Variants in LRFN2 observed in about 807,000 individuals in gnomAD.
The protein encoded by LRFN2 is leucine rich repeat and fibronectin type III domain containing 2.
Under a neutral mutation model 37.3 loss-of-function variants are expected in LRFN2, and 18 were observed. That is an observed-to-expected ratio of 0.48 (90% CI 0.33 to 0.72). LRFN2 has a LOEUF of 0.72. Among genes scored for constraint, LRFN2 ranks in the 30% least tolerant of loss-of-function variants. The pLI, the probability that LRFN2 is intolerant of heterozygous loss-of-function variation, is 0.02. For missense variants in LRFN2, 1,006 were observed against 1,060.7 expected (o/e 0.95, Z 0.72); for synonymous variants, 556 against 466.6 (o/e 1.19, Z -2.47).
At chr6:40,543,741 C>A (rs1376539442) in intron 1 of LRFN2, among the ~76,000 whole-genome samples, 1 of 152,222 alleles carries the variant, frequency 6.6e-6, no homozygotes, top group African/African-American at 2.4e-5. Context: ...TCTTTTGTAT[C>A]AGCAAAAAGC....
intron 1 of LRFN2, among the ~76,000 whole-genome samples, chr6:40,583,594 G>A (rs922946494): frequency 3.3e-5 from 5 of 152,136 alleles, no homozygotes; most frequent in African/African-American, 4.8e-5. Flanking sequence ...AGTGCTAAAG[G>A]GCTTGTCCAG....
chr6:40,504,952 G>A (rs1765493207), intron 1 of LRFN2, among the ~76,000 whole-genome samples: 1 of 152,182 alleles, frequency 6.6e-6, no homozygotes, highest in Non-Finnish European at 1.5e-5. Flanking sequence ...TGCTGGATGG[G>A]CAAACCCCTC....
chr6:40,502,782 A>G (rs1765420336), intron 1 of LRFN2, among the ~76,000 whole-genome samples: 2 of 152,258 alleles, frequency 1.3e-5, no homozygotes, highest in Admixed American at 1.3e-4. Context: ...AGTGGGGCCC[A>G]GACAGACATG....
rs554109501 is a variant in LRFN2 at position 40,568,476 on chromosome 6, A to T, written c.-19+18465T>A. ...GCCCACATGGGTGAGGGGCAAAAAA[A>T]AGTTATGTATGTGGGTGGCTTACAG... On this transcript the variant is annotated intron_variant, in intron 1 of 2. Transcript: ENST00000338305. 2.4e-3 allele frequency among the ~76,000 whole-genome samples: 373 copies of T among 152,326 alleles called. 1 individual carries two copies. Among genetic ancestry groups the T allele is most frequent in the Non-Finnish European group, 4.4e-3 (297 of 68,024 alleles).
rs117286689 is a variant in LRFN2, at chr6:40,585,703, A to T, written c.-19+1238T>A. On this transcript the variant is annotated intron_variant, in intron 1 of 2. Coordinates refer to ENST00000338305, the MANE Select transcript of LRFN2 (RefSeq NM_020737.3). Reference sequence around the variant, plus strand: ...GGAACTTCACAGCCCAGGGAATGGCAGTTTCCTCCCTAGCTTTGCTCCTCC... The same window carrying T: ...GGAACTTCACAGCCCAGGGAATGGCTGTTTCCTCCCTAGCTTTGCTCCTCC... 1.6e-4 allele frequency among the ~76,000 whole-genome samples: 25 copies of T among 152,210 alleles called. No homozygotes were observed. In the East Asian group the frequency reaches 4.5e-3, roughly 27 times the overall value.
intron 1 of LRFN2, among the ~76,000 whole-genome samples, chr6:40,535,637 C>A (rs984805614): frequency 1.3e-5 from 2 of 152,160 alleles, no homozygotes; most frequent in African/African-American, 4.8e-5. Flanking sequence ...CCTCCTCCTG[C>A]CCTCCAGCTG....
chr6:40,503,044 C>T (rs1581756199), intron 1 of LRFN2, among the ~76,000 whole-genome samples: 1 of 152,102 alleles, frequency 6.6e-6, no homozygotes. Flanking sequence ...ATTCTGGGGA[C>T]TGGGAGGCCA....
chr6:40,532,666 A>G (rs569672299), intron 1 of LRFN2, among the ~76,000 whole-genome samples: 17 of 152,306 alleles, frequency 1.1e-4, no homozygotes, highest in African/African-American at 1.7e-4. Context: ...GCAGTTCCGG[A>G]TTTCCCAGTC....
At chr6:40,430,141 G>A (rs1308187645) in intron 2 of LRFN2, among the ~76,000 whole-genome samples, 1 of 152,118 alleles carries the variant, frequency 6.6e-6, no homozygotes, top group Non-Finnish European at 1.5e-5. Flanking sequence ...GTGCACATAT[G>A]CATGTGGGTA....
chr6:40,444,939 A>G (rs972553982), intron 1 of LRFN2, among the ~76,000 whole-genome samples: 4 of 148,966 alleles, frequency 2.7e-5, no homozygotes, highest in African/African-American at 7.4e-5. Flanking sequence ...CTCCCTGTTG[A>G]CTTTGTTTGC....
intron 2 of LRFN2, among the ~76,000 whole-genome samples, chr6:40,416,307 C>T (rs1405016724): frequency 2.0e-5 from 3 of 152,190 alleles, no homozygotes; most frequent in Admixed American, 1.3e-4. Context: ...CCATGTCCGG[C>T]CAATGAGGTG....
chr6:40,424,426 G>C (rs1418026253), intron 2 of LRFN2, among the ~76,000 whole-genome samples: 2 of 152,202 alleles, frequency 1.3e-5, no homozygotes, highest in African/African-American at 4.8e-5. Flanking sequence ...ACAGTGGAAA[G>C]GGCTGGATGT....
At chr6:40,451,042 T>C (rs1409284837) in intron 1 of LRFN2, among the ~76,000 whole-genome samples, 1 of 152,166 alleles carries the variant, frequency 6.6e-6, no homozygotes, top group African/African-American at 2.4e-5. Context: ...TTTGATATTG[T>C]TGTTTCCTCA....
At chr6:40,481,807 G>A (rs1376337930) in intron 1 of LRFN2, among the ~76,000 whole-genome samples, 2 of 152,174 alleles carry the variant, frequency 1.3e-5, no homozygotes, top group Non-Finnish European at 2.9e-5. Context: ...GATGAAGGGT[G>A]AAGACTCAGT....
intron 2 of LRFN2, among the ~76,000 whole-genome samples, chr6:40,418,336 A>G (rs1419822063): frequency 1.3e-5 from 2 of 152,086 alleles, no homozygotes; most frequent in Non-Finnish European, 2.9e-5. Context: ...CGGTCTCGTT[A>G]CACTGCTTAT....
intron 2 of LRFN2, among the ~76,000 whole-genome samples, chr6:40,413,247 T>C (rs888082245): frequency 6.6e-6 from 1 of 152,214 alleles, no homozygotes; most frequent in Non-Finnish European, 1.5e-5. Context: ...TCCACTTTGC[T>C]TAAGACTCAG....
At chr6:40,477,017 T>C (rs1265179143) in intron 1 of LRFN2, among the ~76,000 whole-genome samples, 1 of 152,210 alleles carries the variant, frequency 6.6e-6, no homozygotes, top group East Asian at 1.9e-4. Context: ...CACCTTCGAC[T>C]CTTGATGATC....
intron 1 of LRFN2, among the ~76,000 whole-genome samples, chr6:40,562,839 A>T (rs998923044): frequency 1.4e-5 from 2 of 147,748 alleles, no homozygotes; most frequent in East Asian, 2.0e-4. Flanking sequence ...ACTCACTCAC[A>T]CACACACACA....
At chr6:40,565,018 G>A (rs1463566367) in intron 1 of LRFN2, among the ~76,000 whole-genome samples, 2 of 152,216 alleles carry the variant, frequency 1.3e-5, no homozygotes, top group Admixed American at 6.5e-5. Flanking sequence ...ACGCCTGTCA[G>A]TTCAACTGAA....
Sources: gnomAD v4.1 joint callset for allele counts (sites outside exome capture counted in the v4.1 genomes callset) on GRCh38, gnomAD v4.1.1 for gene constraint, MANE v1.5 for transcripts, NCBI Gene and HGNC (gene_info 2026-07-23, HGNC 2026-07-21) for gene names.